Variants in CDK7 observed in about 807,000 individuals in gnomAD.
CDK7 encodes the protein cyclin-dependent kinase 7.
A neutral mutation model predicts 49.1 loss-of-function variants in CDK7; 25 were observed. That is an observed-to-expected ratio of 0.51 (90% CI 0.37 to 0.71). The LOEUF (loss-of-function observed/expected upper bound fraction) is 0.71, where lower values mean the gene tolerates loss of function less well. Among genes scored for constraint, CDK7 ranks in the 30% least tolerant of loss-of-function variants. The pLI, the probability that CDK7 is intolerant of heterozygous loss-of-function variation, is 0.00. For missense variants in CDK7, 316 were observed against 411.7 expected, an observed-to-expected ratio of 0.77 and a Z score of 2.01; for synonymous variants, 107 against 140.0, an observed-to-expected ratio of 0.76 and a Z score of 1.67.
At chr5:69,273,954 C>T (rs565512112) in intron 10 of CDK7, among the ~76,000 whole-genome samples, 8 of 152,042 alleles carry the variant, frequency 5.3e-5, no homozygotes, top group Admixed American at 2.6e-4. Flanking sequence ...GGGTATTTAC[C>T]ATTAGAATTA....
At position 69,234,902 on chromosome 5, in the gene CDK7, T is replaced by A; in HGVS notation, c.-74T>A. The A allele has an allele frequency of 6.9e-7, 1 of 1,455,512 alleles. No individual in the cohort carries two copies. Among genetic ancestry groups the A allele is most frequent in the Non-Finnish European group, 9.4e-7 (1 of 1,059,246 alleles). 90.2% of individuals were successfully genotyped at this position (1,455,512 alleles called of 1,614,324 possible). A position where few individuals can be genotyped will look rare whatever the true frequency, so the allele number is the denominator to read the frequency against. On this transcript the variant is annotated 5_prime_UTR_variant, in exon 1 of 12. Transcript: ENST00000256443. ...GTGGACGGAAGTGGGTGTTGGAGGC[T>A]TTAAGGTAGCTTTAAATTCGTGTTG...
At chr5:69,248,520 C>T (rs1749905843) in intron 2 of CDK7, among the ~76,000 whole-genome samples, 2 of 151,930 alleles carry the variant, frequency 1.3e-5, no homozygotes, top group South Asian at 2.1e-4. Flanking sequence ...TCCCAAGTAG[C>T]TGGGATTATA....
At chr5:69,247,511 CT>C (rs149517408) in intron 2 of CDK7, among the ~76,000 whole-genome samples, 121 of 143,580 alleles carry the variant, frequency 8.4e-4, no homozygotes, top group Middle Eastern at 3.6e-3. Flanking sequence ...TTTGGGGCTT[CT>C]TTTTTTTTTT....
chr5:69,246,644 G>A lies in CDK7; in HGVS notation c.127-5774G>A, dbSNP rs921462121. 2.7e-5 allele frequency among the ~76,000 whole-genome samples: 4 copies of A among 149,616 alleles called. No homozygotes were observed. The East Asian group carries it at 7.7e-4, about 29-fold the overall frequency. ...ATTATTTTCTTCTAACTTTGGGATT[G>A]GTTTGCTCCTGCTTTTCTAGTTCTT... On this transcript the variant is annotated intron_variant, in intron 2 of 11. Coordinates refer to ENST00000256443, the MANE Select transcript of CDK7 (RefSeq NM_001799.4).
chr5:69,255,379 A>G, intron 4 of CDK7, 81 bp from the exon 5 acceptor site: 1 of 751,194 alleles, frequency 1.3e-6, no homozygotes, highest in East Asian at 2.5e-5. Flanking sequence ...ATGCTTTTTA[A>G]ATTTTTAAAA....
At position 69,265,433 on chromosome 5, in the gene CDK7, A is replaced by AAGC. The variant is rs201084400; in HGVS notation, c.627+3134_627+3136dup. On this transcript the variant is annotated intron_variant, in intron 8 of 11. Coordinates refer to ENST00000256443, the MANE Select transcript of CDK7 (RefSeq NM_001799.4). Reference sequence around the variant, plus strand: ...AATATTTTATTTGCACAGAGAAGAAAAGCAGCATACATAGAAAAGAAAATA... The same window carrying AAGC: ...AATATTTTATTTGCACAGAGAAGAAAAGCAGCAGCATACATAGAAAAGAAAATA... 9.1e-3 allele frequency among the ~76,000 whole-genome samples: 1,383 copies of AAGC among 152,300 alleles called. 9 individuals are homozygous for AAGC. The highest frequency in any genetic ancestry group is 0.03 in the African/African-American group (1,248 of 41,564).
chr5:69,250,879 A>G (rs2972367), intron 2 of CDK7: 142,893 of 456,330 alleles, frequency 0.31, 23,668 homozygotes, highest in East Asian at 0.39. Context: ...CAGGGGCTCT[A>G]TAGTGAGCAA....
rs118077104 is a variant in CDK7 at position 69,243,046 on chromosome 5, C to T, written c.126+7593C>T. ...GGCAACAAGAGCAAAAACTGTGTCT[C>T]AAAAAAAAAGCAAAGATGGAGTCAG... On this transcript the variant is annotated intron_variant, in intron 2 of 11. Transcript: ENST00000256443. Among the ~76,000 whole-genome samples, 343 of 150,342 alleles carry T rather than the reference C, an allele frequency of 2.3e-3. 12 individuals are homozygous for T. In the East Asian group the frequency reaches 0.064, roughly 28 times the overall value.
At chr5:69,235,978 C>T (rs1273083278) in intron 2 of CDK7, among the ~76,000 whole-genome samples, 2 of 152,204 alleles carry the variant, frequency 1.3e-5, no homozygotes, top group South Asian at 2.1e-4. Flanking sequence ...CGGTGGCTCA[C>T]GCCTGTAATC....
chr5:69,235,413 C>T lies in CDK7; in HGVS notation c.86C>T (p.Ala29Val). 6.2e-7 allele frequency: 1 copy of T among 1,604,316 alleles called. No homozygotes were observed. Among genetic ancestry groups the T allele is most frequent in the Non-Finnish European group, 8.5e-7 (1 of 1,171,274 alleles). The change falls in exon 2 of 12, where the codon GCC (alanine) becomes GTC (valine). Residue 29 changes from alanine (A) to valine (V), a missense_variant. Physicochemically the swap from Ala to Val is moderately conservative, Grantham distance 64 (BLOSUM62 0). Transcript: ENST00000256443. ...TTCTAGTTTGCCACCGTTTACAAGG[C>T]CAGAGATAAGAACACCAACCAAATT... Reference protein sequence around the residue: ...GEGQFATVYKARDKNTNQIVA... With the variant: ...GEGQFATVYKVRDKNTNQIVA...
At chr5:69,253,828 A>G (rs995633244) in intron 3 of CDK7, among the ~76,000 whole-genome samples, 3 of 152,160 alleles carry the variant, frequency 2.0e-5, no homozygotes, top group East Asian at 3.9e-4. Context: ...GCCTGGTGCC[A>G]TGGCTTACGC....
chr5:69,260,343 C>A (rs1750738011), intron 7 of CDK7, among the ~76,000 whole-genome samples: 1 of 152,018 alleles, frequency 6.6e-6, no homozygotes, highest in African/African-American at 2.4e-5. Context: ...GAGAAAGACT[C>A]CCTCTCAGGG....
intron 8 of CDK7, among the ~76,000 whole-genome samples, chr5:69,264,929 CCATT>C (rs1751045504): frequency 6.6e-6 from 1 of 150,644 alleles, no homozygotes. Flanking sequence ...GGAGATCACA[CCATT>C]GCACTCCAGC....
intron 8 of CDK7, 49 bp from the exon 9 acceptor site, chr5:69,269,158 T>TA (rs59967147): frequency 0.054 from 53,154 of 984,382 alleles, 3 homozygotes; most frequent in East Asian, 0.072. Flanking sequence ...AGAAAAAAAT[T>TA]AAAAAAAAAA....
At chr5:69,238,445 C>G (rs1305274569) in intron 2 of CDK7, among the ~76,000 whole-genome samples, 1 of 151,588 alleles carries the variant, frequency 6.6e-6, no homozygotes, top group Non-Finnish European at 1.5e-5. Flanking sequence ...CCACCGTGCC[C>G]CACTAAATTT....
intron 10 of CDK7, among the ~76,000 whole-genome samples, chr5:69,274,421 G>A (rs1055988617): frequency 6.6e-6 from 1 of 152,154 alleles, no homozygotes; most frequent in East Asian, 1.9e-4. Context: ...GATAGCTTGA[G>A]CCCAGGAGTT....
chr5:69,274,312 A>G (rs1751880928), intron 10 of CDK7, among the ~76,000 whole-genome samples: 1 of 152,136 alleles, frequency 6.6e-6, no homozygotes, highest in Admixed American at 6.5e-5. Flanking sequence ...TGCATATAGA[A>G]CTGCTGTGAT....
intron 4 of CDK7, among the ~76,000 whole-genome samples, chr5:69,254,888 G>A (rs535478669): frequency 3.3e-5 from 5 of 152,190 alleles, no homozygotes; most frequent in East Asian, 3.9e-4. Flanking sequence ...TAATTTTGTC[G>A]GAAATAATTT....
intron 6 of CDK7, among the ~76,000 whole-genome samples, chr5:69,258,630 T>C (rs1373698791): frequency 6.6e-6 from 1 of 152,074 alleles, no homozygotes; most frequent in Non-Finnish European, 1.5e-5. Context: ...GATCTGCCCA[T>C]CTTGGCCTCC....
Sources: allele counts gnomAD v4.1 joint callset (sites outside exome capture counted in the v4.1 genomes callset), GRCh38; gene constraint gnomAD v4.1.1; transcripts MANE v1.5; gene names NCBI Gene and HGNC (gene_info 2026-07-23, HGNC 2026-07-21).